Variants in MAP3K21 observed in about 807,000 individuals in gnomAD.
MAP3K21 encodes mitogen-activated protein kinase kinase kinase MLK4.
A neutral mutation model predicts 86.1 loss-of-function variants in MAP3K21; 63 were observed. The ratio of observed to expected loss-of-function variants is 0.73; its 90% CI spans 0.60 to 0.90. The LOEUF (loss-of-function observed/expected upper bound fraction) is 0.90, where lower values mean the gene tolerates loss of function less well. MAP3K21 is among the 40% of genes least tolerant of loss of function. The pLI is 0.00. For missense variants in MAP3K21, 1,220 were observed against 1,367.7 expected, an observed-to-expected ratio of 0.89 and a Z score of 1.70; for synonymous variants, 558 against 564.8, an observed-to-expected ratio of 0.99 and a Z score of 0.17.
chr1:233,338,761 G>A (rs915538433), intron 1 of MAP3K21, among the ~76,000 whole-genome samples: 1 of 152,166 alleles, frequency 6.6e-6, no homozygotes, highest in African/African-American at 2.4e-5. Flanking sequence ...GGCCCTACAG[G>A]GTCTTTGACT....
intron 4 of MAP3K21, among the ~76,000 whole-genome samples, chr1:233,360,554 C>G (rs887459542): frequency 6.6e-6 from 1 of 152,014 alleles, no homozygotes; most frequent in African/African-American, 2.4e-5. Context: ...TAGAATCACC[C>G]CAAATTCGTA....
intron 6 of MAP3K21, 155 bp downstream of exon 6, chr1:233,372,315 G>T (rs1663700947): frequency 1.3e-5 from 11 of 820,850 alleles, no homozygotes; most frequent in Non-Finnish European, 2.0e-5. Flanking sequence ...CAAAACTTGA[G>T]CATAGGTTCC....
intron 5 of MAP3K21, among the ~76,000 whole-genome samples, chr1:233,362,557 A>G (rs1222249314): frequency 6.6e-6 from 1 of 152,200 alleles, no homozygotes; most frequent in Non-Finnish European, 1.5e-5. Context: ...TGATGGATTA[A>G]CTGATTGACT....
intron 1 of MAP3K21, among the ~76,000 whole-genome samples, chr1:233,341,435 C>A (rs566155953): frequency 6.6e-6 from 1 of 152,080 alleles, no homozygotes; most frequent in Non-Finnish European, 1.5e-5. Flanking sequence ...AAACAATGGG[C>A]TTTTCATGGT....
chr1:233,344,054 G>C (rs919516831), intron 1 of MAP3K21, among the ~76,000 whole-genome samples: 3 of 152,172 alleles, frequency 2.0e-5, no homozygotes, highest in Admixed American at 1.3e-4. Context: ...AGGGAGAGGA[G>C]CTGAAGGTGC....
intron 1 of MAP3K21, among the ~76,000 whole-genome samples, chr1:233,334,966 T>TTTA (rs1553337043): frequency 6.6e-6 from 1 of 151,656 alleles, no homozygotes; most frequent in African/African-American, 2.4e-5. Context: ...TTTCTTTCTT[T>TTTA]TTTTTTTTTA....
chr1:233,380,799 T>C (rs1663898935), intron 9 of MAP3K21, among the ~76,000 whole-genome samples: 1 of 152,182 alleles, frequency 6.6e-6, no homozygotes, highest in African/African-American at 2.4e-5. Context: ...ATTAATGTTA[T>C]TCAAGGTCAC....
In MAP3K21 at chr1:233,362,234, G is replaced by A. The variant is rs1254280657; in HGVS notation, c.1493G>A (p.Gly498Asp). 1.2e-6 allele frequency: 2 copies of A among 1,614,122 alleles called. No homozygotes were observed. Among genetic ancestry groups the A allele is most frequent in the Non-Finnish European group, 1.7e-6 (2 of 1,180,052 alleles). The change falls in exon 5 of 10, where the codon GGC becomes GAC. Residue 498 changes from glycine to aspartate, a missense_variant. Coordinates refer to ENST00000366624, the MANE Select transcript of MAP3K21 (RefSeq NM_032435.3). ...AAGCCCAAGGTAAAGAAGAGGAAGG[G>A]CAAGTTTAAGAGAAGTCGTTTAAAG... ...QEKPKVKKRK[G>D]KFKRSRLKLK...
In MAP3K21 at chr1:233,384,501, T is replaced by C. The variant is rs1248072283; in HGVS notation, c.*1790T>C. 1 of 152,246 alleles carries C rather than the reference T, an allele frequency of 6.6e-6. No homozygotes were observed. The highest frequency in any genetic ancestry group is 6.5e-5 in the Admixed American group (1 of 15,286). The allele number at this position is 152,246 out of a possible 1,614,324, so 9.4% of individuals were successfully genotyped here. On this transcript the variant is annotated 3_prime_UTR_variant, in exon 10 of 10. Coordinates refer to ENST00000366624, the MANE Select transcript of MAP3K21 (RefSeq NM_032435.3). The stretch of plus-strand genomic sequence containing the variant: ...GAGATTTGGTTTTCCCAAAATGTTA[T>C]CACATTTGAAACTATGATTGCTTTG...
intron 5 of MAP3K21, among the ~76,000 whole-genome samples, chr1:233,367,957 C>G (rs971942120): frequency 6.6e-6 from 1 of 152,140 alleles, no homozygotes; most frequent in Non-Finnish European, 1.5e-5. Context: ...TGGAAGCACT[C>G]TGAATCTTAG....
chr1:233,330,564 C>G (rs1033611194), intron 1 of MAP3K21, among the ~76,000 whole-genome samples: 25 of 152,146 alleles, frequency 1.6e-4, no homozygotes, highest in African/African-American at 5.8e-4. Flanking sequence ...TAGGAGTTTT[C>G]TGCAGAACCA....
chr1:233,339,195 TTTCTTCTTC>T (rs71173272), intron 1 of MAP3K21, among the ~76,000 whole-genome samples: 2,215 of 115,464 alleles, frequency 0.019, 102 homozygotes, highest in Non-Finnish European at 0.024. Context: ...AAAACAATCA[TTTCTTCTTC>T]TTCTTCTTCT....
rs571426914 is a variant in MAP3K21 at position 233,378,044 on chromosome 1, T to C, written c.1925-887T>C. ...AAAGAAGCTTCACTCGCCCACCTGC[T>C]GCTCACTTCCTGCTGTGCAGCCTGG... On this transcript the variant is annotated intron_variant, in intron 8 of 9. Transcript: ENST00000366624. Among the ~76,000 whole-genome samples the C allele has an allele frequency of 2.0e-5, 3 of 152,340 alleles. No homozygotes were observed. In the South Asian group the frequency reaches 6.2e-4, roughly 32 times the overall value.
chr1:233,374,420 C>T (rs558430895), intron 6 of MAP3K21, among the ~76,000 whole-genome samples: 14 of 152,290 alleles, frequency 9.2e-5, no homozygotes, highest in Non-Finnish European at 1.5e-4. Flanking sequence ...ATGATCCACC[C>T]GCCTTGGCCT....
intron 2 of MAP3K21, among the ~76,000 whole-genome samples, chr1:233,346,960 C>G (rs992280324): frequency 3.0e-4 from 46 of 152,210 alleles, no homozygotes; most frequent in African/African-American, 1.1e-3. Flanking sequence ...ATTGTAGCCT[C>G]AACCTCCCAG....
At chr1:233,357,748 C>T (rs1451381897) in intron 4 of MAP3K21, among the ~76,000 whole-genome samples, 5 of 152,242 alleles carry the variant, frequency 3.3e-5, no homozygotes, top group Admixed American at 6.5e-5. Flanking sequence ...TGGGGCTGCC[C>T]ATGCATGGGG....
At chr1:233,340,875 T>G (rs944303183) in intron 1 of MAP3K21, among the ~76,000 whole-genome samples, 1 of 152,322 alleles carries the variant, frequency 6.6e-6, no homozygotes, top group East Asian at 1.9e-4. Context: ...CGAAACTCAT[T>G]TGACTCATTA....
chr1:233,381,217 T>C (rs1663909495), intron 9 of MAP3K21, among the ~76,000 whole-genome samples: 1 of 152,194 alleles, frequency 6.6e-6, no homozygotes, highest in Non-Finnish European at 1.5e-5. Flanking sequence ...ATATGCTGAG[T>C]GAATTTGGGC....
At chr1:233,353,695 A>G in intron 2 of MAP3K21, 112 bp from the exon 3 acceptor site, 1 of 1,021,332 alleles carries the variant, frequency 9.8e-7, no homozygotes. Flanking sequence ...TTTCTGGAAT[A>G]GAGTGTCCTA....
Sources: allele counts gnomAD v4.1 joint callset (sites outside exome capture counted in the v4.1 genomes callset), GRCh38; gene constraint gnomAD v4.1.1; transcripts MANE v1.5; gene names NCBI Gene and HGNC (gene_info 2026-07-23, HGNC 2026-07-21).